The following PPP2R2B variants were observed in gnomAD, a reference collection of about 807,000 sequenced individuals.
PPP2R2B encodes the protein protein phosphatase 2 regulatory subunit Bbeta, also known as serine/threonine-protein phosphatase 2A 55 kDa regulatory subunit B beta isoform.
Under a neutral mutation model 46.0 loss-of-function variants are expected in PPP2R2B, and 5 were observed. That is an observed-to-expected ratio of 0.11 (90% CI 0.06 to 0.23). PPP2R2B has a LOEUF of 0.23. Among genes scored for constraint, PPP2R2B ranks in the 10% least tolerant of loss-of-function variants. The pLI is 1.00. For missense variants in PPP2R2B, 367 were observed against 575.0 expected, an observed-to-expected ratio of 0.64 and a Z score of 3.70; for synonymous variants, 215 against 206.7, an observed-to-expected ratio of 1.04 and a Z score of -0.34.
Position 147,050,327 on chromosome 5 carries a change from T to G in PPP2R2B, c.79+5338A>C, listed in dbSNP as rs763105624. On this transcript the variant is annotated intron_variant, in intron 1 of 8. Transcript: ENST00000336640. ...TAAATGTAGGTGTGCATTTATAAGA[T>G]GAGAATGATGGATGAGAAAATGAGT... is the stretch of plus-strand genomic sequence containing the variant. Among the ~76,000 whole-genome samples, 12 of 152,228 alleles carry G rather than the reference T, an allele frequency of 7.9e-5. No homozygotes were observed. In the South Asian group the frequency reaches 1.2e-3, roughly 16 times the overall value.
At chr5:146,720,786 A>G (rs1272290773) in intron 2 of PPP2R2B, among the ~76,000 whole-genome samples, 1 of 152,220 alleles carries the variant, frequency 6.6e-6, no homozygotes, top group Non-Finnish European at 1.5e-5. Flanking sequence ...CAGTTCAGAC[A>G]ATCCTGAACT....
intron 1 of PPP2R2B, among the ~76,000 whole-genome samples, chr5:146,936,471 G>GAAAA (rs35203174): frequency 1.2e-5 from 1 of 84,492 alleles, no homozygotes; most frequent in Non-Finnish European, 2.8e-5. Flanking sequence ...AGCAGGAAAA[G>GAAAA]AAAAAAAAAA....
intron 2 of PPP2R2B, among the ~76,000 whole-genome samples, chr5:146,857,541 T>G (rs1760745923): frequency 6.6e-6 from 1 of 152,154 alleles, no homozygotes; most frequent in African/African-American, 2.4e-5. Context: ...CCTAACAGAT[T>G]ATTTAAAAGA....
chr5:146,615,269 G>A (rs1282626021), intron 7 of PPP2R2B, among the ~76,000 whole-genome samples: 24 of 77,340 alleles, frequency 3.1e-4, no homozygotes, highest in African/African-American at 1.1e-3. Context: ...ACCAAACACC[G>A]CATATTCTCA....
chr5:146,779,769 T>A (rs150299787), intron 2 of PPP2R2B, among the ~76,000 whole-genome samples: 20 of 152,280 alleles, frequency 1.3e-4, no homozygotes, highest in African/African-American at 4.6e-4. Flanking sequence ...GGTTTTCAGA[T>A]GCTGAAAACA....
At chr5:146,797,270 T>C (rs753494843) in intron 2 of PPP2R2B, among the ~76,000 whole-genome samples, 30 of 152,206 alleles carry the variant, frequency 2.0e-4, no homozygotes, top group Non-Finnish European at 3.7e-4. Context: ...AAGCAAATAA[T>C]TGCTTTTTAA....
intron 2 of PPP2R2B, among the ~76,000 whole-genome samples, chr5:146,711,417 G>A (rs915003482): frequency 6.6e-6 from 1 of 152,162 alleles, no homozygotes; most frequent in Non-Finnish European, 1.5e-5. Flanking sequence ...CTTAAGATGT[G>A]AAGCAAGAAA....
intron 2 of PPP2R2B, among the ~76,000 whole-genome samples, chr5:146,761,087 A>G (rs1754135661): frequency 6.6e-6 from 1 of 152,236 alleles, no homozygotes; most frequent in Non-Finnish European, 1.5e-5. Flanking sequence ...TAGGTCAACC[A>G]TTGTGGAAGT....
intron 2 of PPP2R2B, among the ~76,000 whole-genome samples, chr5:147,079,459 T>TACACACAAACACACACAC: frequency 6.9e-6 from 1 of 144,498 alleles, no homozygotes; most frequent in Non-Finnish European, 1.5e-5. Flanking sequence ...TATATATATA[T>TACACACAAACACACACAC]ATATATATAT....
chr5:146,942,502 G>T, intron 1 of PPP2R2B, among the ~76,000 whole-genome samples: 1 of 152,118 alleles, frequency 6.6e-6, no homozygotes, highest in East Asian at 1.9e-4. Flanking sequence ...TCACTTTTTA[G>T]TTGCACTTGT....
chr5:146,804,091 C>T (rs1031829380), intron 2 of PPP2R2B, among the ~76,000 whole-genome samples: 22 of 151,704 alleles, frequency 1.5e-4, no homozygotes, highest in African/African-American at 4.8e-4. Flanking sequence ...CGCTTGAACC[C>T]GGGAGGTGGA....
At chr5:146,689,809 G>A (rs1351329472) in intron 5 of PPP2R2B, among the ~76,000 whole-genome samples, 1 of 152,148 alleles carries the variant, frequency 6.6e-6, no homozygotes, top group Admixed American at 6.5e-5. Flanking sequence ...GGACTTACAT[G>A]GAGGTTCTCC....
intron 5 of PPP2R2B, among the ~76,000 whole-genome samples, chr5:146,687,223 C>T (rs560215880): frequency 6.6e-6 from 1 of 152,228 alleles, no homozygotes; most frequent in South Asian, 2.1e-4. Flanking sequence ...AAGAGCCTAA[C>T]TCTTGATTTT....
At chr5:146,590,776 C>T (rs1290894803) in intron 9 of PPP2R2B, among the ~76,000 whole-genome samples, 1 of 152,006 alleles carries the variant, frequency 6.6e-6, no homozygotes, top group Non-Finnish European at 1.5e-5. Flanking sequence ...TCTCCCCTGC[C>T]GAGAACTAGC....
chr5:146,965,930 G>A (rs535135621), intron 1 of PPP2R2B, among the ~76,000 whole-genome samples: 3 of 152,252 alleles, frequency 2.0e-5, no homozygotes, highest in East Asian at 1.9e-4. Context: ...GGAATCGTAC[G>A]ACTCACTGCA....
At chr5:146,877,747 C>T (rs1353722549) in intron 2 of PPP2R2B, among the ~76,000 whole-genome samples, 1 of 152,162 alleles carries the variant, frequency 6.6e-6, no homozygotes, top group East Asian at 1.9e-4. Flanking sequence ...GAGCCCCACC[C>T]TGAAAAAGCC....
At chr5:146,992,106 C>G (rs538911463) in intron 1 of PPP2R2B, among the ~76,000 whole-genome samples, 2 of 152,196 alleles carry the variant, frequency 1.3e-5, no homozygotes, top group South Asian at 4.1e-4. Flanking sequence ...TATTAAACCA[C>G]CTGATTTCAA....
chr5:146,982,961 T>C, intron 1 of PPP2R2B, among the ~76,000 whole-genome samples: 1 of 152,122 alleles, frequency 6.6e-6, no homozygotes, highest in East Asian at 1.9e-4. Context: ...ATTGTTAGCT[T>C]ACGTTTTCTC....
chr5:147,060,469 A>C (rs1757223817), upstream of PPP2R2B, among the ~76,000 whole-genome samples: 1 of 152,120 alleles, frequency 6.6e-6, no homozygotes, highest in African/African-American at 2.4e-5. Flanking sequence ...TCTAAAAAAT[A>C]TACAGAAAAT....
Sources: allele counts gnomAD v4.1 joint callset (sites outside exome capture counted in the v4.1 genomes callset), GRCh38; gene constraint gnomAD v4.1.1; transcripts MANE v1.5; gene names NCBI Gene and HGNC (gene_info 2026-07-23, HGNC 2026-07-21).